The following PRKD1 variants were observed in gnomAD, a reference collection of about 807,000 sequenced individuals.
PRKD1 encodes protein kinase D1.
A neutral mutation model predicts 95.9 loss-of-function variants in PRKD1; 63 were observed. The observed-to-expected ratio is 0.66, with a 90% CI of 0.54 to 0.81. The LOEUF (loss-of-function observed/expected upper bound fraction) is 0.81. Ranked by LOEUF, PRKD1 falls within the 30% of genes least tolerant of loss-of-function variation. The pLI, the probability that PRKD1 is intolerant of heterozygous loss-of-function variation, is 0.00. For missense variants in PRKD1, 1,048 were observed against 1,165.3 expected (o/e 0.90, Z 1.47); for synonymous variants, 425 against 423.1 (o/e 1.00, Z -0.05).
intron 16 of PRKD1, among the ~76,000 whole-genome samples, 183 bp from the exon 17 acceptor site, chr14:29,578,543 TAAAAAAAAAAAAAAA>T: frequency 2.3e-5 from 1 of 42,700 alleles, no homozygotes; most frequent in South Asian, 1.0e-3. Flanking sequence ...TTTTGGATAC[TAAAAAAAAAAAAAAA>T]AAAAAAAAAA....
intron 2 of PRKD1, among the ~76,000 whole-genome samples, chr14:29,717,281 T>C (rs564199947): frequency 2.2e-4 from 34 of 151,840 alleles, no homozygotes; most frequent in Non-Finnish European, 2.8e-4. Flanking sequence ...TGCAGTGGGG[T>C]GGAGGTGGGG....
At chr14:29,802,770 T>G (rs760364906) in intron 1 of PRKD1, among the ~76,000 whole-genome samples, 2 of 152,196 alleles carry the variant, frequency 1.3e-5, no homozygotes, top group Non-Finnish European at 2.9e-5. Flanking sequence ...ATTCCTTATG[T>G]TTCAATTCTG....
At chr14:29,724,518 G>A (rs1195971923) in intron 2 of PRKD1, among the ~76,000 whole-genome samples, 1 of 152,170 alleles carries the variant, frequency 6.6e-6, no homozygotes, top group Non-Finnish European at 1.5e-5. Context: ...ACACAATGAA[G>A]TTGTGGCAAT....
chr14:29,839,017 G>A (rs1259711481), intron 1 of PRKD1, among the ~76,000 whole-genome samples: 2 of 151,876 alleles, frequency 1.3e-5, no homozygotes, highest in African/African-American at 2.4e-5. Context: ...GTTTACAAAT[G>A]AATAATCCTT....
chr14:29,713,680 A>G (rs1885447212), intron 2 of PRKD1, among the ~76,000 whole-genome samples: 2 of 152,126 alleles, frequency 1.3e-5, no homozygotes, highest in South Asian at 4.1e-4. Context: ...TAGTCTATAT[A>G]TTTTATCATA....
chr14:29,826,189 C>CAT (rs1274999267), intron 1 of PRKD1, among the ~76,000 whole-genome samples: 1 of 136,378 alleles, frequency 7.3e-6, no homozygotes, highest in Non-Finnish European at 1.5e-5. Flanking sequence ...TATATATATA[C>CAT]ATATATATGA....
intron 1 of PRKD1, among the ~76,000 whole-genome samples, chr14:29,744,705 C>T (rs1310699593): frequency 1.3e-5 from 2 of 152,088 alleles, no homozygotes; most frequent in African/African-American, 4.8e-5. Flanking sequence ...CGCCACCATG[C>T]CCAGCTAATT....
chr14:29,597,684 G>T lies in PRKD1; in HGVS notation c.2241C>A (p.Pro747=). 2 of 1,613,892 alleles carry T rather than the reference G, an allele frequency of 1.2e-6. No individual in the cohort carries two copies. The highest frequency in any genetic ancestry group is 2.2e-5 in the South Asian group (2 of 91,062). Residue 747 remains proline (P), a synonymous_variant, in exon 16 of 18, where the codon CCC becomes CCA. Transcript: ENST00000331968. ...KSFRRSVVGT[P]AYLAPEVLRN... ...TTAGGACCTCAGGAGCCAGGTAAGC[G>T]GGGGTACCCACCACTGACCTCCGGA...
Position 29,647,568 on chromosome 14 carries a change from C to T in PRKD1, c.697-8664G>A, listed in dbSNP as rs2060167392. 2.0e-5 allele frequency among the ~76,000 whole-genome samples: 3 copies of T among 152,166 alleles called. No homozygotes were observed. The South Asian group carries it at 6.2e-4, about 32-fold the overall frequency. On this transcript the variant is annotated intron_variant, in intron 4 of 17. Transcript: ENST00000331968. Reference sequence around the variant, plus strand: ...TGACCTTGCCTGAATAGACTAGGACCTGGCCTGGGTTTATGGTCTCACTGG... The same window carrying T: ...TGACCTTGCCTGAATAGACTAGGACTTGGCCTGGGTTTATGGTCTCACTGG...
At chr14:29,634,837 GC>G (rs1306602175) in intron 7 of PRKD1, among the ~76,000 whole-genome samples, 1 of 151,984 alleles carries the variant, frequency 6.6e-6, no homozygotes, top group African/African-American at 2.4e-5. Flanking sequence ...TTCAAGACCA[GC>G]CTGGCCAAGA....
chr14:29,791,278 A>T (rs1427274533), intron 1 of PRKD1, among the ~76,000 whole-genome samples: 2 of 152,208 alleles, frequency 1.3e-5, no homozygotes, highest in African/African-American at 2.4e-5. Flanking sequence ...GCAACATGAT[A>T]GGTGCTTTCA....
chr14:29,787,343 G>A (rs112180470), intron 1 of PRKD1, among the ~76,000 whole-genome samples: 13 of 149,948 alleles, frequency 8.7e-5, no homozygotes, highest in South Asian at 4.2e-4. Context: ...TGTTAGATCC[G>A]TTTGGTTTAT....
At chr14:29,750,616 G>GCGCGCGCGCACACACACA (rs72239992) in intron 1 of PRKD1, among the ~76,000 whole-genome samples, 11 of 148,482 alleles carry the variant, frequency 7.4e-5, no homozygotes, top group South Asian at 4.3e-4. Context: ...ATGAACGCGC[G>GCGCGCGCGCACACACACA]CACACACACA....
chr14:29,746,311 A>G (rs1323992134), intron 1 of PRKD1, among the ~76,000 whole-genome samples: 2 of 152,064 alleles, frequency 1.3e-5, no homozygotes, highest in African/African-American at 4.8e-5. Flanking sequence ...GGCTTGGTTC[A>G]CCTTGCTAAT....
At chr14:29,896,720 TA>T (rs34261706) in intron 1 of PRKD1, among the ~76,000 whole-genome samples, 18,855 of 133,988 alleles carry the variant, frequency 0.14, 2,464 homozygotes, top group African/African-American at 0.36. Context: ...ATTAAACAGT[TA>T]AAAAAAAAAA....
chr14:29,582,605 C>G (rs1420531523), intron 16 of PRKD1, among the ~76,000 whole-genome samples: 2 of 152,040 alleles, frequency 1.3e-5, no homozygotes, highest in Admixed American at 6.6e-5. Context: ...GGTGCCAGCT[C>G]CCAGCAGAGA....
At chr14:29,918,004 G>A (rs1894951545) in intron 1 of PRKD1, among the ~76,000 whole-genome samples, 1 of 152,024 alleles carries the variant, frequency 6.6e-6, no homozygotes, top group East Asian at 1.9e-4. Context: ...TGTGTCATGG[G>A]GGGGCTGTAC....
At chr14:29,639,535 C>T (rs1880618498) in intron 4 of PRKD1, among the ~76,000 whole-genome samples, 2 of 152,010 alleles carry the variant, frequency 1.3e-5, no homozygotes, top group South Asian at 2.1e-4. Context: ...AGGAGAATTG[C>T]TTGAACCTGG....
In PRKD1 at chr14:29,609,490, T is replaced by TTG. The variant is rs147951504; in HGVS notation, c.1906-9675_1906-9674dup. ...AGAAATCACTTGAGGACTAATCTAT[T>TTG]TGTGTGTGTGTGCGTGCACACACAC... is the stretch of plus-strand genomic sequence containing the variant. On this transcript the variant is annotated intron_variant, in intron 13 of 17. Coordinates refer to ENST00000331968, the MANE Select transcript of PRKD1 (RefSeq NM_002742.3). Among the ~76,000 whole-genome samples the TTG allele has an allele frequency of 1.9e-3, 254 of 132,828 alleles. 3 individuals carry two copies. The East Asian group carries it at 0.048, about 25-fold the overall frequency. The allele number at this position is 132,828 out of a possible 152,430, so 87.1% of individuals were successfully genotyped here. A position where few individuals can be genotyped will look rare whatever the true frequency, so the allele number is the denominator to read the frequency against.
Sources: gnomAD v4.1 joint callset for allele counts (sites outside exome capture counted in the v4.1 genomes callset) on GRCh38, gnomAD v4.1.1 for gene constraint, MANE v1.5 for transcripts, NCBI Gene and HGNC (gene_info 2026-07-23, HGNC 2026-07-21) for gene names.